USP13: variants seen among roughly 807,000 people sequenced by gnomAD.
The protein encoded by USP13 is ubiquitin specific peptidase 13.
Under a neutral mutation model 107.8 loss-of-function variants are expected in USP13, and 68 were observed. The observed-to-expected ratio is 0.63, with a 90% CI of 0.52 to 0.77. The LOEUF (loss-of-function observed/expected upper bound fraction) is 0.77. Ranked by LOEUF, USP13 falls within the 30% of genes least tolerant of loss-of-function variation. The pLI is 0.00. For missense variants in USP13, 945 were observed against 1,093.3 expected (o/e 0.86, Z 1.91); for synonymous variants, 377 against 389.5 (o/e 0.97, Z 0.38).
At chr3:179,751,022 G>A (rs1004853516) in intron 13 of USP13, among the ~76,000 whole-genome samples, 3 of 152,236 alleles carry the variant, frequency 2.0e-5, no homozygotes, top group African/African-American at 7.2e-5. Context: ...GATTTGAAAA[G>A]TGGAATAGGG....
In USP13 at chr3:179,754,732, A is replaced by T; in HGVS notation, c.1799A>T (p.Asp600Val). Residue 600 changes from aspartate to valine, a missense_variant and splice_region_variant, in exon 15 of 21, where the codon GAT (aspartate) becomes GTT (valine). Physicochemically the swap from Asp to Val is radical, Grantham distance 152 (BLOSUM62 -3). Transcript: ENST00000263966. ...GGATATAATCTCTCTCATTTTGCAGATGTTTCTATTGATATGCCAGACCTA... is the reference window on the plus strand; with the variant it reads ...GGATATAATCTCTCTCATTTTGCAGTTGTTTCTATTGATATGCCAGACCTA... ...FGLDWVPKKFDVSIDMPDLLD... is the reference protein window; with the variant it reads ...FGLDWVPKKFVVSIDMPDLLD... 1 of 1,611,988 alleles carries T rather than the reference A, an allele frequency of 6.2e-7. No homozygotes were observed. Among genetic ancestry groups the T allele is most frequent in the Non-Finnish European group, 8.5e-7 (1 of 1,179,218 alleles).
At chr3:179,734,854 T>C (rs1713932990) in intron 10 of USP13, among the ~76,000 whole-genome samples, 1 of 152,256 alleles carries the variant, frequency 6.6e-6, no homozygotes, top group Non-Finnish European at 1.5e-5. Context: ...AAAGTATCTG[T>C]GCAAGTATTG....
intron 16 of USP13, among the ~76,000 whole-genome samples, chr3:179,759,562 T>A (rs1714933289): frequency 6.6e-6 from 1 of 152,240 alleles, no homozygotes; most frequent in African/African-American, 2.4e-5. Flanking sequence ...CTTAGAATAC[T>A]AGGATCCTGT....
intron 10 of USP13, among the ~76,000 whole-genome samples, chr3:179,734,070 G>T (rs1362029538): frequency 1.3e-5 from 2 of 152,172 alleles, no homozygotes; most frequent in Non-Finnish European, 1.5e-5. Flanking sequence ...AGTTATGAGG[G>T]TTTCTCACTG....
At chr3:179,728,963 C>CCGTGGAGAGAGGGAGAGGGAGAG (rs1713688576) in intron 8 of USP13, among the ~76,000 whole-genome samples, 1 of 141,126 alleles carries the variant, frequency 7.1e-6, no homozygotes, top group Non-Finnish European at 1.6e-5. Flanking sequence ...GAGAGGGAGA[C>CCGTGGAGAGAGGGAGAGGGAGAG]CGTGGGGAGA....
In USP13 at chr3:179,708,899, C is replaced by T; in HGVS notation, c.747C>T (p.Tyr249=). The T allele has an allele frequency of 1.2e-6, 2 of 1,614,128 alleles. No homozygotes were observed. The highest frequency in any genetic ancestry group is 1.1e-5 in the South Asian group (1 of 91,068). The change falls in exon 6 of 21, where the codon TAC becomes TAT. Residue 249 remains tyrosine (Y), a synonymous_variant. Transcript: ENST00000263966. Reference sequence around the variant, plus strand: ...GCAACGGGCATGCGCTGGAGCATTACAGAGACATGGGCTACCCACTAGCCG... The same window carrying T: ...GCAACGGGCATGCGCTGGAGCATTATAGAGACATGGGCTACCCACTAGCCG... ...SGGNGHALEH[Y]RDMGYPLAVK...
At chr3:179,760,569 C>T (rs191342548) in intron 16 of USP13, among the ~76,000 whole-genome samples, 1 of 152,332 alleles carries the variant, frequency 6.6e-6, no homozygotes, top group Admixed American at 6.5e-5. Flanking sequence ...AGGCGTGAGC[C>T]ACCACGCCTG....
In USP13 at chr3:179,761,321, T is replaced by C; in HGVS notation, c.2092+66T>C. On this transcript the variant is annotated intron_variant, in intron 17 of 20. Coordinates refer to ENST00000263966, the MANE Select transcript of USP13 (RefSeq NM_003940.3). ...GACCCTCAGTGATGCTGAGTCCTGG[T>C]CCTTCCAAGGTCCCTGTGGATGTAT... The C allele has an allele frequency of 2.5e-6, 4 of 1,587,982 alleles. No homozygotes were observed. In the South Asian group the frequency reaches 4.6e-5, roughly 18 times the overall value.
intron 16 of USP13, among the ~76,000 whole-genome samples, chr3:179,759,951 C>T (rs1231405716): frequency 3.9e-5 from 6 of 152,066 alleles, no homozygotes; most frequent in South Asian, 4.1e-4. Context: ...GGATTACAGG[C>T]GTGAGCCACT....
At chr3:179,733,704 G>A (rs1358623291) in intron 10 of USP13, among the ~76,000 whole-genome samples, 2 of 152,202 alleles carry the variant, frequency 1.3e-5, no homozygotes, top group Non-Finnish European at 2.9e-5. Context: ...AGAGCATGAA[G>A]GATGGGTCAG....
intron 13 of USP13, among the ~76,000 whole-genome samples, chr3:179,746,011 C>G (rs1359641684): frequency 6.6e-6 from 1 of 151,786 alleles, no homozygotes; most frequent in African/African-American, 2.4e-5. Context: ...TGGCATAAAA[C>G]AAAGGGAGGT....
At chr3:179,765,666 A>G (rs1260932545) in intron 18 of USP13, 29 bp from the exon 19 acceptor site, 1 of 1,611,718 alleles carries the variant, frequency 6.2e-7, no homozygotes, top group African/African-American at 1.3e-5. Context: ...CATGCATTGT[A>G]AAAACATCTG....
At chr3:179,666,231 G>A (rs983675256) in intron 1 of USP13, among the ~76,000 whole-genome samples, 29 of 152,172 alleles carry the variant, frequency 1.9e-4, no homozygotes, top group African/African-American at 6.5e-4. Flanking sequence ...TGGTCATTCC[G>A]GAAGTGGAAT....
chr3:179,700,999 T>C lies in USP13; in HGVS notation c.356-9T>C, dbSNP rs746711633. The C allele has an allele frequency of 6.2e-7, 1 of 1,609,638 alleles. No homozygotes were observed. Among genetic ancestry groups the C allele is most frequent in the South Asian group, 1.1e-5 (1 of 90,456 alleles). On this transcript the variant is annotated splice_polypyrimidine_tract_variant and intron_variant, in intron 3 of 20. Coordinates refer to ENST00000263966, the MANE Select transcript of USP13 (RefSeq NM_003940.3). ...CACTTCTTGTTCTTTGTTTTTGTTT[T>C]CTCCTCAGATCTAGATACTGATGAC...
At chr3:179,654,282 A>T (rs1184738778) in intron 1 of USP13, among the ~76,000 whole-genome samples, 1 of 150,662 alleles carries the variant, frequency 6.6e-6, no homozygotes, top group Non-Finnish European at 1.5e-5. Flanking sequence ...GAAATAGGGG[A>T]TCTACTGGAT....
intron 19 of USP13, among the ~76,000 whole-genome samples, chr3:179,779,386 T>G (rs1343356697): frequency 2.6e-5 from 4 of 151,714 alleles, no homozygotes; most frequent in South Asian, 4.2e-4. Context: ...ACAAAAACAT[T>G]AGCCAGGCAT....
At chr3:179,659,213 A>G (rs1720383459) in intron 1 of USP13, among the ~76,000 whole-genome samples, 1 of 152,310 alleles carries the variant, frequency 6.6e-6, no homozygotes, top group East Asian at 1.9e-4. Flanking sequence ...TCCACCAGGA[A>G]AGACTTTGAG....
intron 11 of USP13, among the ~76,000 whole-genome samples, chr3:179,741,591 A>C (rs1374753977): frequency 6.6e-6 from 1 of 151,716 alleles, no homozygotes; most frequent in Non-Finnish European, 1.5e-5. Flanking sequence ...TCCTGACCTC[A>C]GATGATCCAC....
intron 4 of USP13, among the ~76,000 whole-genome samples, chr3:179,702,002 T>C (rs1712544269): frequency 1.3e-5 from 2 of 152,084 alleles, no homozygotes; most frequent in African/African-American, 4.8e-5. Flanking sequence ...TTTGTTTTGG[T>C]CTCCCATTTC....
Sources: allele counts gnomAD v4.1 joint callset (sites outside exome capture counted in the v4.1 genomes callset), GRCh38; gene constraint gnomAD v4.1.1; transcripts MANE v1.5; gene names NCBI Gene and HGNC (gene_info 2026-07-23, HGNC 2026-07-21).